Variants in KCND2 observed in about 807,000 individuals in gnomAD.
KCND2 encodes potassium voltage-gated channel subfamily D member 2, also known as A-type voltage-gated potassium channel KCND2.
A neutral mutation model predicts 54.4 loss-of-function variants in KCND2; 16 were observed. The observed-to-expected ratio is 0.29, with a 90% confidence interval of 0.20 to 0.45. KCND2 has a LOEUF of 0.45. Ranked by LOEUF, KCND2 falls within the 20% of genes least tolerant of loss-of-function variation. KCND2 has a pLI of 1.00. For synonymous variants in KCND2, 317 were observed against 310.7 expected (o/e 1.02, Z -0.21); for missense variants, 486 against 824.2 (o/e 0.59, Z 5.02).
intron 1 of KCND2, among the ~76,000 whole-genome samples, chr7:120,674,726 T>G (rs1338171120): frequency 6.6e-6 from 1 of 152,236 alleles, no homozygotes; most frequent in Non-Finnish European, 1.5e-5. Context: ...TTCTGCAGTT[T>G]CACAAACATC....
intron 1 of KCND2, among the ~76,000 whole-genome samples, chr7:120,337,781 G>A (rs1422328706): frequency 6.6e-6 from 1 of 152,174 alleles, no homozygotes; most frequent in East Asian, 1.9e-4. Context: ...GTAATGAGGT[G>A]TGATTATTGT....
chr7:120,485,678 C>T (rs1337649676), intron 1 of KCND2, among the ~76,000 whole-genome samples: 1 of 152,158 alleles, frequency 6.6e-6, no homozygotes, highest in African/African-American at 2.4e-5. Flanking sequence ...AGAACAATTA[C>T]CACCTCATCA....
chr7:120,432,071 A>G (rs2116166679), intron 1 of KCND2, among the ~76,000 whole-genome samples: 1 of 152,318 alleles, frequency 6.6e-6, no homozygotes, highest in East Asian at 1.9e-4. Flanking sequence ...ATAAATCAGA[A>G]CATGAATATT....
intron 1 of KCND2, among the ~76,000 whole-genome samples, chr7:120,657,330 T>A (rs1373378900): frequency 4.6e-5 from 7 of 152,154 alleles, no homozygotes; most frequent in Admixed American, 4.6e-4. Flanking sequence ...ATAACAGACG[T>A]GAAAACAGGC....
chr7:120,498,116 G>A (rs1003299709), intron 1 of KCND2, among the ~76,000 whole-genome samples: 9 of 152,012 alleles, frequency 5.9e-5, no homozygotes, highest in African/African-American at 2.2e-4. Context: ...ATTGAAATAG[G>A]GATACTATAC....
chr7:120,289,067 CACACACACACAGAG>C (rs752143745), intron 1 of KCND2, among the ~76,000 whole-genome samples: 233 of 37,700 alleles, frequency 6.2e-3, no homozygotes, highest in South Asian at 0.024. Context: ...CACACACACA[CACACACACACAGAG>C]AGAGAGAGAG....
chr7:120,587,191 T>A (rs1438143745), intron 1 of KCND2, among the ~76,000 whole-genome samples: 1 of 152,166 alleles, frequency 6.6e-6, no homozygotes, highest in African/African-American at 2.4e-5. Context: ...TCAAATGTGC[T>A]CTAATAGACT....
intron 1 of KCND2, among the ~76,000 whole-genome samples, chr7:120,437,078 C>G (rs1416805189): frequency 6.6e-6 from 1 of 152,074 alleles, no homozygotes; most frequent in East Asian, 1.9e-4. Context: ...ATGGGAAAAA[C>G]AACTTCTTTA....
intron 1 of KCND2, among the ~76,000 whole-genome samples, chr7:120,623,699 A>G (rs1442533660): frequency 6.6e-6 from 1 of 152,216 alleles, no homozygotes; most frequent in Non-Finnish European, 1.5e-5. Flanking sequence ...TAAACACATT[A>G]TTTAAATTGT....
At chr7:120,561,417 AAGTCTTT>A (rs1019019014) in intron 1 of KCND2, among the ~76,000 whole-genome samples, 1 of 152,096 alleles carries the variant, frequency 6.6e-6, no homozygotes, top group African/African-American at 2.4e-5. Context: ...GCACTGATCT[AAGTCTTT>A]ATCAAAACTA....
Position 120,315,218 on chromosome 7 carries a change from C to T in KCND2, c.1115+39471C>T, listed in dbSNP as rs112948618. Among the ~76,000 whole-genome samples the T allele has an allele frequency of 3.5e-3, 535 of 152,246 alleles. 4 individuals carry two copies. Among genetic ancestry groups the T allele is most frequent in the African/African-American group, 0.012 (506 of 41,548 alleles). On this transcript the variant is annotated intron_variant, in intron 1 of 5. Coordinates refer to ENST00000331113, the MANE Select transcript of KCND2 (RefSeq NM_012281.3). ...GGGTTCCTGCTGTCTTCCACGTTCCCCACCACCATTCATTGACAGGCTTAA... is the reference window on the plus strand; with the variant it reads ...GGGTTCCTGCTGTCTTCCACGTTCCTCACCACCATTCATTGACAGGCTTAA...
intron 1 of KCND2, among the ~76,000 whole-genome samples, chr7:120,401,112 C>G (rs1274649471): frequency 6.6e-6 from 1 of 152,074 alleles, no homozygotes; most frequent in Non-Finnish European, 1.5e-5. Context: ...GCCTATGGAT[C>G]CAGTGTTCCA....
At chr7:120,289,552 T>TA (rs1799405255) in intron 1 of KCND2, among the ~76,000 whole-genome samples, 1 of 152,062 alleles carries the variant, frequency 6.6e-6, no homozygotes, top group Non-Finnish European at 1.5e-5. Flanking sequence ...CCTATGTACT[T>TA]AATCTCATGT....
chr7:120,492,723 C>T (rs1005227650), intron 1 of KCND2, among the ~76,000 whole-genome samples: 3 of 152,060 alleles, frequency 2.0e-5, no homozygotes, highest in Admixed American at 6.6e-5. Context: ...ATAACCTTAA[C>T]AAGCATTTAA....
chr7:120,655,361 C>T (rs1791789531), intron 1 of KCND2, among the ~76,000 whole-genome samples: 1 of 151,958 alleles, frequency 6.6e-6, no homozygotes, highest in African/African-American at 2.4e-5. Flanking sequence ...CCTTGGGATG[C>T]CAGCAGTAAT....
Position 120,620,003 on chromosome 7 carries a change from A to G in KCND2, c.1116-112900A>G, listed in dbSNP as rs1584856921. Among the ~76,000 whole-genome samples, 4 of 152,316 alleles carry G rather than the reference A, an allele frequency of 2.6e-5. No individual in the cohort carries two copies. In the East Asian group the frequency reaches 7.7e-4, roughly 29 times the overall value. ...TACTCAAGTGGTTGCTTTATTCACC[A>G]AGCTAATATGTACGCTGTATTTAAA... is the stretch of plus-strand genomic sequence containing the variant. On this transcript the variant is annotated intron_variant, in intron 1 of 5. Coordinates refer to ENST00000331113, the MANE Select transcript of KCND2 (RefSeq NM_012281.3).
At chr7:120,666,842 AT>A (rs1420533404) in intron 1 of KCND2, among the ~76,000 whole-genome samples, 3 of 152,132 alleles carry the variant, frequency 2.0e-5, no homozygotes, top group African/African-American at 7.2e-5. Context: ...AAAATGGAAA[AT>A]AAAAAATAAA....
At position 120,530,522 on chromosome 7, in the gene KCND2, C is replaced by T. The variant is rs895115260; in HGVS notation, c.1116-202381C>T. On this transcript the variant is annotated intron_variant, in intron 1 of 5. Transcript: ENST00000331113. The stretch of plus-strand genomic sequence containing the variant: ...AAGACATCATCTATTAAAAACTTAA[C>T]CACTCTGCTCTTTCATAATTCTCGG... Among the ~76,000 whole-genome samples the T allele has an allele frequency of 3.3e-5, 5 of 152,212 alleles. No homozygotes were observed. The East Asian group carries it at 9.6e-4, about 29-fold the overall frequency.
At chr7:120,673,909 A>G (rs73219475) in intron 1 of KCND2, among the ~76,000 whole-genome samples, 2 of 115,462 alleles carry the variant, frequency 1.7e-5, no homozygotes, top group South Asian at 2.7e-4. Context: ...TCTTTTATTT[A>G]TTTTTTTTTT....
Sources: gnomAD v4.1 joint callset for allele counts (sites outside exome capture counted in the v4.1 genomes callset) on GRCh38, gnomAD v4.1.1 for gene constraint, MANE v1.5 for transcripts, NCBI Gene and HGNC (gene_info 2026-07-23, HGNC 2026-07-21) for gene names.